The following RUNX2 variants were observed in gnomAD, a reference collection of about 807,000 sequenced individuals.
The protein encoded by RUNX2 is RUNX family transcription factor 2.
In RUNX2, 10 loss-of-function variants were observed where a neutral mutation model predicts 51.7. The observed-to-expected ratio is 0.19, with a 90% CI of 0.12 to 0.33. The LOEUF is 0.33. Ranked by LOEUF, RUNX2 falls within the 10% of genes least tolerant of loss-of-function variation. The pLI, the probability that RUNX2 is intolerant of heterozygous loss-of-function variation, is 1.00. For missense variants in RUNX2, 562 were observed against 691.3 expected (o/e 0.81, Z 2.10); for synonymous variants, 276 against 273.6 (o/e 1.01, Z -0.09).
chr6:45,423,040 C>G, intron 3 of RUNX2, 83 bp downstream of exon 3: 1 of 1,538,042 alleles, frequency 6.5e-7, no homozygotes, highest in Non-Finnish European at 8.8e-7. Flanking sequence ...GGGGCTGGGC[C>G]CCGGACGTCC....
chr6:45,532,005 C>T (rs1274815037), intron 7 of RUNX2, among the ~76,000 whole-genome samples: 1 of 152,124 alleles, frequency 6.6e-6, no homozygotes, highest in African/African-American at 2.4e-5. Flanking sequence ...ACCTCCTTTA[C>T]TGCTAAATTT....
intron 7 of RUNX2, among the ~76,000 whole-genome samples, chr6:45,528,498 G>A (rs1801741294): frequency 6.6e-6 from 1 of 152,072 alleles, no homozygotes; most frequent in Non-Finnish European, 1.5e-5. Flanking sequence ...GCACGCAATT[G>A]TAATCCCAGC....
At chr6:45,344,547 A>G (rs1312283370) in intron 2 of RUNX2, among the ~76,000 whole-genome samples, 1 of 152,104 alleles carries the variant, frequency 6.6e-6, no homozygotes, top group Non-Finnish European at 1.5e-5. Context: ...AACATTATCA[A>G]TTAAGTACTT....
chr6:45,524,940 G>A (rs574882023), intron 7 of RUNX2, among the ~76,000 whole-genome samples: 264 of 152,246 alleles, frequency 1.7e-3, no homozygotes, highest in African/African-American at 6.1e-3. Flanking sequence ...GTGAAACCTC[G>A]TATCTACTAT....
intron 2 of RUNX2, among the ~76,000 whole-genome samples, chr6:45,388,120 G>A (rs763624866): frequency 6.6e-5 from 10 of 152,118 alleles, no homozygotes; most frequent in Non-Finnish European, 8.8e-5. Context: ...GGCTAATGAC[G>A]AAATCACTGG....
chr6:45,403,877 G>A (rs966529626), intron 2 of RUNX2, among the ~76,000 whole-genome samples: 12 of 152,158 alleles, frequency 7.9e-5, no homozygotes, highest in African/African-American at 2.7e-4. Flanking sequence ...GAAGAATAGG[G>A]AGCCAGTTTG....
intron 5 of RUNX2, among the ~76,000 whole-genome samples, chr6:45,441,004 G>A (rs1336613298): frequency 2.0e-5 from 3 of 152,130 alleles, no homozygotes; most frequent in Non-Finnish European, 4.4e-5. Flanking sequence ...ATTCAAAGTG[G>A]CTTATTTTAT....
At chr6:45,379,382 G>C (rs1797171434) in intron 2 of RUNX2, among the ~76,000 whole-genome samples, 2 of 152,152 alleles carry the variant, frequency 1.3e-5, no homozygotes, top group Non-Finnish European at 2.9e-5. Flanking sequence ...AAGATTAAGA[G>C]AAAAATTAAT....
chr6:45,387,071 A>T (rs1008990711), intron 2 of RUNX2, among the ~76,000 whole-genome samples: 2 of 152,200 alleles, frequency 1.3e-5, no homozygotes, highest in Non-Finnish European at 2.9e-5. Flanking sequence ...TGGCAGGAGA[A>T]ATGCTAAAGA....
intron 2 of RUNX2, among the ~76,000 whole-genome samples, chr6:45,346,567 CTTT>C (rs71745024): frequency 1.4e-5 from 2 of 140,428 alleles, no homozygotes; most frequent in Admixed American, 7.2e-5. Flanking sequence ...ATAAACATTT[CTTT>C]TTTTTTTTTT....
intron 2 of RUNX2, among the ~76,000 whole-genome samples, chr6:45,411,193 T>C (rs1345010305): frequency 1.3e-5 from 2 of 152,238 alleles, no homozygotes; most frequent in African/African-American, 4.8e-5. Context: ...CAAAGGTTTT[T>C]CACATAATAG....
chr6:45,341,610 A>G (rs1447077925), intron 2 of RUNX2, among the ~76,000 whole-genome samples: 1 of 152,228 alleles, frequency 6.6e-6, no homozygotes, highest in Non-Finnish European at 1.5e-5. Flanking sequence ...GCAACTTCAT[A>G]AAGAGTACAA....
intron 2 of RUNX2, chr6:45,371,768 TA>T: frequency 1.1e-6 from 1 of 901,426 alleles, no homozygotes; most frequent in Non-Finnish European, 1.3e-6. Flanking sequence ...GGTAGATGGA[TA>T]AGCAACTATA....
In RUNX2 at chr6:45,437,976, T is replaced by C; in HGVS notation, c.610T>C (p.Phe204Leu). 1 of 1,613,500 alleles carries C rather than the reference T, an allele frequency of 6.2e-7. No homozygotes were observed. Among genetic ancestry groups the C allele is most frequent in the South Asian group, 1.1e-5 (1 of 91,074 alleles). Residue 204 changes from phenylalanine to leucine, a missense_variant, in exon 5 of 9, where the codon TTC becomes CTC. Coordinates refer to ENST00000647337, the MANE Select transcript of RUNX2 (RefSeq NM_001024630.4). ...GAGTTTCACCTTGACCATAACCGTC[T>C]TCACAAATCCTCCCCAAGTAGCTAC... is the stretch of plus-strand genomic sequence containing the variant. ...GKSFTLTITV[F>L]TNPPQVATYH...
At position 45,547,397 on chromosome 6, in the gene RUNX2, T is replaced by C; in HGVS notation, c.*92T>C. 9.5e-7 allele frequency: 1 copy of C among 1,049,456 alleles called. No individual in the cohort carries two copies. The highest frequency in any genetic ancestry group is 2.4e-5 in the East Asian group (1 of 42,164). The allele number at this position is 1,049,456 out of a possible 1,614,324, so 65.0% of individuals were successfully genotyped here. ...TAGAGAGAGTGCATATATATGTATA[T>C]CGATTAGCTATCTACAAAGTGCCTA... On this transcript the variant is annotated 3_prime_UTR_variant, in exon 9 of 9. Transcript: ENST00000647337.
chr6:45,535,447 A>C (rs917710826), intron 7 of RUNX2, among the ~76,000 whole-genome samples: 1 of 152,056 alleles, frequency 6.6e-6, no homozygotes, highest in Non-Finnish European at 1.5e-5. Context: ...TACTAAAAAT[A>C]CAAAGAATTA....
At chr6:45,444,136 C>T (rs1456470944) in intron 5 of RUNX2, among the ~76,000 whole-genome samples, 1 of 152,236 alleles carries the variant, frequency 6.6e-6, no homozygotes. Flanking sequence ...AGGCGTGAGC[C>T]ACTGCGCCTG....
intron 2 of RUNX2, among the ~76,000 whole-genome samples, chr6:45,377,122 A>C (rs907739780): frequency 3.9e-5 from 6 of 152,108 alleles, no homozygotes; most frequent in African/African-American, 1.4e-4. Flanking sequence ...TGAACTCCTA[A>C]AACGTGGAGA....
chr6:45,546,389 T>G (rs1456231907), intron 8 of RUNX2, among the ~76,000 whole-genome samples: 1 of 152,240 alleles, frequency 6.6e-6, no homozygotes, highest in African/African-American at 2.4e-5. Flanking sequence ...CAGTAAGACA[T>G]TATTTTGGAA....
Sources: gnomAD v4.1 joint callset for allele counts (sites outside exome capture counted in the v4.1 genomes callset) on GRCh38, gnomAD v4.1.1 for gene constraint, MANE v1.5 for transcripts, NCBI Gene and HGNC (gene_info 2026-07-23, HGNC 2026-07-21) for gene names.